KANK1: variants seen among roughly 807,000 people sequenced by gnomAD.
KANK1 encodes KN motif and ankyrin repeat domain-containing protein 1.
KANK1 carries 109 observed loss-of-function variants against 106.2 expected under a neutral mutation model. The ratio of observed to expected loss-of-function variants is 1.03; its 90% confidence interval spans 0.88 to 1.20. The LOEUF is 1.20. Ranked by LOEUF, KANK1 falls within the 50% of genes most tolerant of loss-of-function variation. The pLI, the probability that KANK1 is intolerant of heterozygous loss-of-function variation, is 0.00. For missense variants in KANK1, 2,399 were observed against 1,710.7 expected (o/e 1.40, Z -7.10); for synonymous variants, 873 against 652.2 (o/e 1.34, Z -5.16).
rs76812586 is a variant in KANK1 at position 512,189 on chromosome 9, C to G, written c.-84+7435C>G. ...TGAACTTGTGTGGCAGCAGGCTTCC[C>G]TCATGTGTTACTAAGGGCTCTCCAG... On this transcript the variant is annotated intron_variant, in intron 1 of 11. Coordinates refer to ENST00000382297, the MANE Select transcript of KANK1 (RefSeq NM_015158.5). Among the ~76,000 whole-genome samples, 61 of 152,020 alleles carry G rather than the reference C, an allele frequency of 4.0e-4. No homozygotes were observed. In the East Asian group the frequency reaches 0.01, roughly 26 times the overall value.
intron 1 of KANK1, among the ~76,000 whole-genome samples, chr9:631,904 A>T (rs1835836479): frequency 6.6e-6 from 1 of 152,184 alleles, no homozygotes; most frequent in Non-Finnish European, 1.5e-5. Context: ...AGTTTGGGTT[A>T]TCTACCGCTG....
chr9:585,193 C>T (rs541632686), intron 1 of KANK1, among the ~76,000 whole-genome samples: 1 of 152,174 alleles, frequency 6.6e-6, no homozygotes, highest in African/African-American at 2.4e-5. Flanking sequence ...TTAGAACTTT[C>T]ATTTACCCCT....
At chr9:510,612 A>G (rs2058987410) in intron 1 of KANK1, among the ~76,000 whole-genome samples, 1 of 152,244 alleles carries the variant, frequency 6.6e-6, no homozygotes, top group Admixed American at 6.5e-5. Flanking sequence ...TCAGCGGTGC[A>G]TAGGGAGAGC....
chr9:483,331 C>G (rs947685356), intron 3 of KANK1, among the ~76,000 whole-genome samples: 3 of 152,310 alleles, frequency 2.0e-5, no homozygotes, highest in South Asian at 2.1e-4. Flanking sequence ...TAAAAAAGCA[C>G]TGATGCCTTA....
intron 1 of KANK1, among the ~76,000 whole-genome samples, chr9:542,266 G>A (rs2060649407): frequency 1.3e-5 from 2 of 152,194 alleles, no homozygotes; most frequent in Admixed American, 6.5e-5. Context: ...TTGGGAGGCC[G>A]AGGCAGGCAG....
At chr9:545,312 T>A (rs1438570377) in intron 1 of KANK1, among the ~76,000 whole-genome samples, 1 of 152,180 alleles carries the variant, frequency 6.6e-6, no homozygotes, top group African/African-American at 2.4e-5. Context: ...TATGGACAGA[T>A]TGAGTTCAAG....
At chr9:657,359 C>T (rs1842371921) in intron 1 of KANK1, among the ~76,000 whole-genome samples, 1 of 151,878 alleles carries the variant, frequency 6.6e-6, no homozygotes, top group South Asian at 2.1e-4. Context: ...TCTTCGAGTT[C>T]CTGTTTTTAG....
chr9:742,601 A>C (rs965816885), intron 10 of KANK1, among the ~76,000 whole-genome samples, 196 bp downstream of exon 10: 3 of 152,172 alleles, frequency 2.0e-5, no homozygotes, highest in African/African-American at 7.2e-5. Flanking sequence ...ACGCTCATAA[A>C]CTAGTACCCA....
intron 1 of KANK1, among the ~76,000 whole-genome samples, chr9:506,109 C>T (rs1219818130): frequency 6.6e-6 from 1 of 152,196 alleles, no homozygotes; most frequent in Non-Finnish European, 1.5e-5. Context: ...TCACTACCAT[C>T]TGATTCCATT....
intron 2 of KANK1, among the ~76,000 whole-genome samples, chr9:691,819 G>C (rs1381651700): frequency 1.5e-5 from 2 of 137,268 alleles, no homozygotes; most frequent in African/African-American, 5.5e-5. Flanking sequence ...GTGTCACTGT[G>C]TCATCCAGGC....
Position 597,233 on chromosome 9 carries a change from A to G in KANK1, c.-83-79657A>G, listed in dbSNP as rs143317511. The stretch of plus-strand genomic sequence containing the variant: ...CCCTGTTTTCAGTTCTTTTAGGTTC[A>G]TACTTAGAGGTGTAATTGCTGGGTT... On this transcript the variant is annotated intron_variant, in intron 1 of 11. Transcript: ENST00000382297. Among the ~76,000 whole-genome samples, 689 of 151,848 alleles carry G rather than the reference A, an allele frequency of 4.5e-3. 28 individuals are homozygous for G. Among genetic ancestry groups the G allele is most frequent in the African/African-American group, 0.016 (651 of 41,146 alleles).
At chr9:610,348 G>T (rs938313878) in intron 1 of KANK1, among the ~76,000 whole-genome samples, 9 of 151,942 alleles carry the variant, frequency 5.9e-5, no homozygotes, top group African/African-American at 2.2e-4. Flanking sequence ...GAACCATGAT[G>T]AGACCTTAAG....
At chr9:710,725 A>G in intron 2 of KANK1, 79 bp from the exon 3 acceptor site, 1 of 1,344,544 alleles carries the variant, frequency 7.4e-7, no homozygotes, top group Non-Finnish European at 1.0e-6. Context: ...AGCTTGCTGT[A>G]CTGCAACAAA....
At chr9:678,758 T>C (rs148556484) in intron 2 of KANK1, among the ~76,000 whole-genome samples, 1 of 152,180 alleles carries the variant, frequency 6.6e-6, no homozygotes, top group East Asian at 1.9e-4. Flanking sequence ...TATGATGACT[T>C]TCTCCAGTAA....
At chr9:639,806 A>C (rs1837979267) in intron 1 of KANK1, among the ~76,000 whole-genome samples, 1 of 152,230 alleles carries the variant, frequency 6.6e-6, no homozygotes, top group African/African-American at 2.4e-5. Flanking sequence ...TCAAGATGAC[A>C]GCAGATTCAG....
At chr9:539,619 T>G (rs1352126864) in intron 1 of KANK1, 1 of 152,136 alleles carries the variant, frequency 6.6e-6, no homozygotes, top group Non-Finnish European at 1.5e-5. Flanking sequence ...GCCTCCCAAG[T>G]AACTGTGACT....
At chr9:580,699 C>T (rs1020419536) in intron 1 of KANK1, among the ~76,000 whole-genome samples, 4 of 152,262 alleles carry the variant, frequency 2.6e-5, no homozygotes, top group African/African-American at 7.2e-5. Flanking sequence ...AGGAGTCCAG[C>T]TGGCTTCACC....
At chr9:688,384 T>A in intron 2 of KANK1, among the ~76,000 whole-genome samples, 1 of 152,202 alleles carries the variant, frequency 6.6e-6, no homozygotes, top group Admixed American at 6.5e-5. Flanking sequence ...GGCAGGCAGA[T>A]CAGTTGAAGT....
intron 1 of KANK1, among the ~76,000 whole-genome samples, chr9:675,943 A>T (rs549342106): frequency 1.3e-5 from 2 of 152,170 alleles, no homozygotes; most frequent in Non-Finnish European, 2.9e-5. Context: ...TTTTTAGACC[A>T]TATAGGATAA....
Sources: allele counts gnomAD v4.1 joint callset (sites outside exome capture counted in the v4.1 genomes callset), GRCh38; gene constraint gnomAD v4.1.1; transcripts MANE v1.5; gene names NCBI Gene and HGNC (gene_info 2026-07-23, HGNC 2026-07-21).